The following CC2D2A variants were observed in gnomAD, a reference collection of about 807,000 sequenced individuals.
CC2D2A encodes the protein coiled-coil and C2 domain containing 2A.
A neutral mutation model predicts 212.9 loss-of-function variants in CC2D2A; 155 were observed. The ratio of observed to expected loss-of-function variants is 0.73; its 90% CI spans 0.64 to 0.83. The LOEUF is 0.83. CC2D2A is among the 40% of genes least tolerant of loss of function. CC2D2A has a pLI of 0.00. For synonymous variants in CC2D2A, 667 were observed against 686.5 expected, an observed-to-expected ratio of 0.97 and a Z score of 0.44; for missense variants, 1,856 against 1,956.2, an observed-to-expected ratio of 0.95 and a Z score of 0.97.
In CC2D2A at chr4:15,550,788, T is replaced by G. The variant is rs1319817371; in HGVS notation, c.2182-36T>G. On this transcript the variant is annotated intron_variant, in intron 17 of 36. Coordinates refer to ENST00000424120, the MANE Select transcript of CC2D2A (RefSeq NM_001378615.1). ...TCTGAGCGTGAGCACACACTACTGC[T>G]GTTTTTATTGGCTATTTCTCTTCTC... 7 of 1,497,850 alleles carry G rather than the reference T, an allele frequency of 4.7e-6. No homozygotes were observed. In the African/African-American group the frequency reaches 8.2e-5, roughly 18 times the overall value. The allele number at this position is 1,497,850 out of a possible 1,614,324, so 92.8% of individuals were successfully genotyped here. A position where few individuals can be genotyped will look rare whatever the true frequency, so the allele number is the denominator to read the frequency against.
At chr4:15,565,556 T>A (rs1719844004) in intron 24 of CC2D2A, among the ~76,000 whole-genome samples, 1 of 152,126 alleles carries the variant, frequency 6.6e-6, no homozygotes. Flanking sequence ...AAGCCCAAAG[T>A]CTAACATGGG....
intron 13 of CC2D2A, among the ~76,000 whole-genome samples, chr4:15,531,292 A>T (rs924531605): frequency 6.6e-6 from 1 of 152,002 alleles, no homozygotes; most frequent in African/African-American, 2.4e-5. Context: ...CGCAGACACC[A>T]TCCCCACGCA....
chr4:15,553,323 T>C lies in CC2D2A; in HGVS notation c.2486+18T>C, dbSNP rs1395000705. 4 of 1,609,390 alleles carry C rather than the reference T, an allele frequency of 2.5e-6. No homozygotes were observed. The highest frequency in any genetic ancestry group is 3.4e-6 in the Non-Finnish European group (4 of 1,177,968). On this transcript the variant is annotated intron_variant, in intron 19 of 36. Transcript: ENST00000424120. Reference sequence around the variant, plus strand: ...TTTCGGAGGTAATACATGGCAAGAGTAAATTGATGAGCAATGTCAGTGTTA... The same window carrying C: ...TTTCGGAGGTAATACATGGCAAGAGCAAATTGATGAGCAATGTCAGTGTTA...
At chr4:15,584,861 AAAG>A in intron 30 of CC2D2A, among the ~76,000 whole-genome samples, 1 of 152,240 alleles carries the variant, frequency 6.6e-6, no homozygotes, top group East Asian at 1.9e-4. Flanking sequence ...GTATTTCTCA[AAAG>A]AAGACAAATG....
intron 33 of CC2D2A, 54 bp from the exon 34 acceptor site, chr4:15,596,031 C>T: frequency 1.6e-6 from 2 of 1,282,580 alleles, no homozygotes; most frequent in Non-Finnish European, 2.2e-6. Flanking sequence ...TGCACACATA[C>T]ATGTGCATGT....
chr4:15,597,455 CT>C lies in CC2D2A; in HGVS notation c.4487del (p.Leu1496HisfsTer9). On this transcript the variant is annotated frameshift_variant, in exon 35 of 37. Transcript: ENST00000424120. LOFTEE classifies it high-confidence loss of function. ...CTCAGACAAAGCAGCTGCAGCTGAG[CT>C]ACAAGACAGGTAACATAACATCCAT... is the stretch of plus-strand genomic sequence containing the variant. ...QRSDKAAAAELQDRIEKILKE... is the reference protein window; with the variant it reads ...QRSDKAAAAEXQDRIEKILKE... 1 of 1,553,170 alleles carries C rather than the reference CT, an allele frequency of 6.4e-7. No individual in the cohort carries two copies. Among genetic ancestry groups the C allele is most frequent in the South Asian group, 1.2e-5 (1 of 84,180 alleles).
chr4:15,479,358 A>G, intron 3 of CC2D2A: 1 of 1,482,612 alleles, frequency 6.7e-7, no homozygotes, highest in South Asian at 1.2e-5. Context: ...TTGTCCTCTG[A>G]GAAGGGAGGC....
intron 24 of CC2D2A, chr4:15,564,232 A>G (rs1328260153): frequency 1.3e-5 from 2 of 152,100 alleles, no homozygotes; most frequent in Non-Finnish European, 2.9e-5. Context: ...AAAAATTAAA[A>G]CTTCTTTTTT....
chr4:15,500,107 G>GTGTGTGTGTATATATATATA (rs1479141284), intron 4 of CC2D2A, among the ~76,000 whole-genome samples: 186 of 112,880 alleles, frequency 1.6e-3, no homozygotes, highest in Middle Eastern at 4.2e-3. Context: ...GTGTGTGTGT[G>GTGTGTGTGTATATATATATA]TATATATATA....
intron 14 of CC2D2A, among the ~76,000 whole-genome samples, chr4:15,533,790 T>C (rs915426488): frequency 2.0e-5 from 3 of 152,238 alleles, no homozygotes; most frequent in Non-Finnish European, 4.4e-5. Context: ...AACTTGTCCA[T>C]TTCTGTTGAT....
At chr4:15,590,235 C>T (rs1721040172) in intron 33 of CC2D2A, among the ~76,000 whole-genome samples, 2 of 152,164 alleles carry the variant, frequency 1.3e-5, no homozygotes, top group African/African-American at 4.8e-5. Context: ...AGTTATAGAG[C>T]TGGGCGCTGT....
chr4:15,581,850 TAGA>T (rs1166504158), intron 30 of CC2D2A, among the ~76,000 whole-genome samples: 1 of 152,126 alleles, frequency 6.6e-6, no homozygotes, highest in African/African-American at 2.4e-5. Context: ...CAAATATTCC[TAGA>T]AGAATGCCCT....
chr4:15,565,397 C>CT lies in CC2D2A; in HGVS notation c.3182+1875_3182+1876insT, dbSNP rs1305841307. ...ATTTACCTTTGCACTCATCCACATA[C>CT]GGTTTTTTTTTTTTTTTGCCTCCCT... On this transcript the variant is annotated intron_variant, in intron 24 of 36. Transcript: ENST00000424120. 1.4e-3 allele frequency among the ~76,000 whole-genome samples: 164 copies of CT among 117,936 alleles called. 1 individual carries two copies. Among genetic ancestry groups the CT allele is most frequent in the Admixed American group, 3.1e-3 (34 of 10,948 alleles). 77.4% of individuals were successfully genotyped at this position (117,936 alleles called of 152,430 possible).
At chr4:15,547,938 C>T (rs1251428178) in intron 17 of CC2D2A, among the ~76,000 whole-genome samples, 1 of 151,962 alleles carries the variant, frequency 6.6e-6, no homozygotes, top group Non-Finnish European at 1.5e-5. Context: ...ACTCAGGAGG[C>T]TGAGGCAGGA....
chr4:15,533,476 C>T (rs1431162978), intron 14 of CC2D2A, 143 bp downstream of exon 14: 1 of 517,934 alleles, frequency 1.9e-6, no homozygotes, highest in African/African-American at 2.0e-5. Context: ...CATTGCATAC[C>T]TGAGCAGCCC....
chr4:15,508,341 C>G (rs907170447), intron 6 of CC2D2A, among the ~76,000 whole-genome samples: 3 of 152,112 alleles, frequency 2.0e-5, no homozygotes, highest in Non-Finnish European at 4.4e-5. Flanking sequence ...ACTACAGGCA[C>G]AGAAAAACCC....
At chr4:15,592,991 CA>C (rs1721176930) in intron 33 of CC2D2A, among the ~76,000 whole-genome samples, 1 of 152,178 alleles carries the variant, frequency 6.6e-6, no homozygotes, top group Non-Finnish European at 1.5e-5. Flanking sequence ...TTATAGAGGC[CA>C]AATCATACAG....
intron 29 of CC2D2A, among the ~76,000 whole-genome samples, chr4:15,577,370 G>A (rs1720460662): frequency 6.6e-6 from 1 of 152,156 alleles, no homozygotes. Context: ...AAAGAATTGA[G>A]CCAGTCAAGA....
At chr4:15,512,878 A>G (rs1171980291) in intron 8 of CC2D2A, among the ~76,000 whole-genome samples, 1 of 151,668 alleles carries the variant, frequency 6.6e-6, no homozygotes, top group Non-Finnish European at 1.5e-5. Flanking sequence ...CTTGAACACG[A>G]GAGGCAGACG....
Sources: allele counts gnomAD v4.1 joint callset (sites outside exome capture counted in the v4.1 genomes callset), GRCh38; gene constraint gnomAD v4.1.1; transcripts MANE v1.5; gene names NCBI Gene and HGNC (gene_info 2026-07-23, HGNC 2026-07-21).